Variants in SLC4A5 observed in about 807,000 individuals in gnomAD.
SLC4A5 encodes solute carrier family 4 member 5, also known as electrogenic sodium bicarbonate cotransporter 4.
Under a neutral mutation model 120.4 loss-of-function variants are expected in SLC4A5, and 96 were observed. The ratio of observed to expected loss-of-function variants is 0.80; its 90% CI spans 0.68 to 0.94. The LOEUF (loss-of-function observed/expected upper bound fraction) is 0.94. SLC4A5 is among the 40% of genes least tolerant of loss of function. The pLI is 0.00. For synonymous variants in SLC4A5, 550 were observed against 571.1 expected (o/e 0.96, Z 0.53); for missense variants, 1,259 against 1,459.5 (o/e 0.86, Z 2.24).
chr2:74,292,123 C>A (rs1672193403), intron 7 of SLC4A5, among the ~76,000 whole-genome samples: 2 of 152,224 alleles, frequency 1.3e-5, no homozygotes, highest in Non-Finnish European at 2.9e-5. Context: ...GCCCCCCTCA[C>A]TGGACTGTGG....
intron 7 of SLC4A5, among the ~76,000 whole-genome samples, chr2:74,286,327 A>C (rs2104173345): frequency 6.6e-6 from 1 of 152,266 alleles, no homozygotes; most frequent in African/African-American, 2.4e-5. Context: ...AGCCATGCAA[A>C]AGGACAGCTT....
At chr2:74,243,243 G>C (rs1394711691) in intron 19 of SLC4A5, among the ~76,000 whole-genome samples, 1 of 152,148 alleles carries the variant, frequency 6.6e-6, no homozygotes, top group African/African-American at 2.4e-5. Flanking sequence ...GGACCCTTCT[G>C]CTCCCCCGTT....
chr2:74,282,168 A>G (rs368955642), intron 8 of SLC4A5, among the ~76,000 whole-genome samples: 1 of 152,198 alleles, frequency 6.6e-6, no homozygotes, highest in African/African-American at 2.4e-5. Context: ...GTTCAGGCCC[A>G]TGGTGGGCTT....
Position 74,250,584 on chromosome 2 carries a change from C to T in SLC4A5, c.1479-67G>A, listed in dbSNP as rs762969959. The T allele has an allele frequency of 8.2e-6, 13 of 1,579,110 alleles. No individual in the cohort carries two copies. The East Asian group carries it at 9.0e-5, about 11-fold the overall frequency. ...ACCAGTGCAGGGGCAGGGCTATTTACAAGAACTTGCAGAGTCTGGGGCGAG... is the reference window on the plus strand; with the variant it reads ...ACCAGTGCAGGGGCAGGGCTATTTATAAGAACTTGCAGAGTCTGGGGCGAG... On this transcript the variant is annotated intron_variant, in intron 16 of 30. Transcript: ENST00000394019.
At chr2:74,221,285 G>A in intron 30 of SLC4A5, 149 bp downstream of exon 30, 1 of 573,228 alleles carries the variant, frequency 1.7e-6, no homozygotes. Flanking sequence ...TGATGAGTCA[G>A]GTTTGTCAGC....
intron 6 of SLC4A5, among the ~76,000 whole-genome samples, chr2:74,313,799 G>C (rs530203864): frequency 6.6e-6 from 1 of 152,272 alleles, no homozygotes; most frequent in East Asian, 1.9e-4. Flanking sequence ...GCATATTTGG[G>C]TCTTCCAACA....
chr2:74,341,972 C>T (rs930837189), intron 2 of SLC4A5, among the ~76,000 whole-genome samples: 12 of 152,200 alleles, frequency 7.9e-5, no homozygotes, highest in African/African-American at 2.9e-4. Context: ...GAGTAAGAGA[C>T]TCTTACAGGG....
At chr2:74,277,626 T>C (rs985756822) in intron 8 of SLC4A5, among the ~76,000 whole-genome samples, 1 of 152,222 alleles carries the variant, frequency 6.6e-6, no homozygotes, top group Non-Finnish European at 1.5e-5. Context: ...TTGGCATCTC[T>C]GGAGTCTGAT....
chr2:74,243,256 G>A (rs1670504298), intron 19 of SLC4A5, among the ~76,000 whole-genome samples: 2 of 152,142 alleles, frequency 1.3e-5, no homozygotes, highest in African/African-American at 4.8e-5. Flanking sequence ...CCCCCGTTCT[G>A]CAGTCTGTCC....
At chr2:74,276,177 G>T (rs1450299076) in intron 8 of SLC4A5, among the ~76,000 whole-genome samples, 4 of 152,134 alleles carry the variant, frequency 2.6e-5, no homozygotes, top group African/African-American at 9.7e-5. Context: ...GAGGAGCGGG[G>T]AGAGGAGGGG....
At chr2:74,279,144 G>T (rs894737805) in intron 8 of SLC4A5, among the ~76,000 whole-genome samples, 3 of 152,204 alleles carry the variant, frequency 2.0e-5, no homozygotes, top group South Asian at 4.1e-4. Flanking sequence ...AAAAACAAAA[G>T]GATCTCCCTT....
intron 6 of SLC4A5, among the ~76,000 whole-genome samples, chr2:74,306,140 G>A (rs1672636663): frequency 6.6e-6 from 1 of 152,198 alleles, no homozygotes; most frequent in Non-Finnish European, 1.5e-5. Flanking sequence ...CCATTCTAAA[G>A]TTCACCTTGA....
intron 5 of SLC4A5, among the ~76,000 whole-genome samples, chr2:74,315,294 G>C (rs1302059305): frequency 6.6e-6 from 1 of 151,824 alleles, no homozygotes. Context: ...ACAAAAATTA[G>C]CCAGATGTGG....
chr2:74,302,886 A>G (rs925259139), intron 7 of SLC4A5, among the ~76,000 whole-genome samples: 2 of 152,138 alleles, frequency 1.3e-5, no homozygotes, highest in African/African-American at 2.4e-5. Context: ...AGAGGTGGTG[A>G]GGTGACAGGG....
intron 6 of SLC4A5, among the ~76,000 whole-genome samples, chr2:74,314,025 G>A (rs1454290600): frequency 2.6e-5 from 4 of 152,188 alleles, no homozygotes; most frequent in Non-Finnish European, 5.9e-5. Flanking sequence ...TGAAAAGATA[G>A]AATGGGATCA....
chr2:74,242,664 C>G (rs569983593), intron 19 of SLC4A5, among the ~76,000 whole-genome samples: 1 of 151,986 alleles, frequency 6.6e-6, no homozygotes, highest in Non-Finnish European at 1.5e-5. Context: ...TCCACAGATA[C>G]GTCCCTTCCC....
At chr2:74,302,738 C>A (rs1672511768) in intron 7 of SLC4A5, among the ~76,000 whole-genome samples, 1 of 152,228 alleles carries the variant, frequency 6.6e-6, no homozygotes, top group South Asian at 2.1e-4. Context: ...TCTATAACTA[C>A]TTCTGTGATG....
At chr2:74,275,083 C>T (rs1471534363) in intron 8 of SLC4A5, among the ~76,000 whole-genome samples, 2 of 152,132 alleles carry the variant, frequency 1.3e-5, no homozygotes, top group Non-Finnish European at 2.9e-5. Flanking sequence ...TAGGAACCTC[C>T]GCTGAGGGCC....
chr2:74,220,376 C>T (rs1694586567), intron 30 of SLC4A5, among the ~76,000 whole-genome samples: 1 of 149,636 alleles, frequency 6.7e-6, no homozygotes, highest in African/African-American at 2.6e-5. Context: ...GTTGGCTTTC[C>T]TCCATACCCT....
Sources: gnomAD v4.1 joint callset for allele counts (sites outside exome capture counted in the v4.1 genomes callset) on GRCh38, gnomAD v4.1.1 for gene constraint, MANE v1.5 for transcripts, NCBI Gene and HGNC (gene_info 2026-07-23, HGNC 2026-07-21) for gene names.